TMEM117: variants seen among roughly 807,000 people sequenced by gnomAD.
TMEM117 encodes transmembrane protein 117.
TMEM117 carries 27 observed loss-of-function variants against 52.4 expected under a neutral mutation model. The observed-to-expected ratio is 0.51, with a 90% CI of 0.38 to 0.71. TMEM117 has a LOEUF of 0.71. Among genes scored for constraint, TMEM117 ranks in the 30% least tolerant of loss-of-function variants. The pLI is 0.00. For synonymous variants in TMEM117, 215 were observed against 206.3 expected (o/e 1.04, Z -0.36); for missense variants, 556 against 630.5 (o/e 0.88, Z 1.26).
rs559462196 is a variant in TMEM117 at position 44,388,933 on chromosome 12, G to A, written c.*261G>A. 1 of 417,142 alleles carries A rather than the reference G, an allele frequency of 2.4e-6. No homozygotes were observed. The highest frequency in any genetic ancestry group is 2.0e-5 in the African/African-American group (1 of 50,456). 25.8% of individuals were successfully genotyped at this position (417,142 alleles called of 1,614,324 possible). On this transcript the variant is annotated 3_prime_UTR_variant, in exon 8 of 8. Transcript: ENST00000266534. ...GCTATTACTGACTTTACAGCATAGT[G>A]GAAGATTAGCTGATGACCCATGTAT...
At chr12:44,248,766 C>A in intron 5 of TMEM117, 1 of 173,072 alleles carries the variant, frequency 5.8e-6, no homozygotes. Context: ...GGTGCCCCAA[C>A]ACCAGGCTTG....
intron 2 of TMEM117, among the ~76,000 whole-genome samples, chr12:43,878,987 G>A (rs570614054): frequency 4.6e-5 from 7 of 152,206 alleles, no homozygotes; most frequent in South Asian, 4.1e-4. Flanking sequence ...TAATACTTGC[G>A]TTAAATGATA....
chr12:43,800,291 TTAA>T, the TMEM117 span: 10 of 591,376 alleles, frequency 1.7e-5, 1 homozygote, highest in African/African-American at 1.9e-4. Context: ...ACAGCTAACT[TTAA>T]TATTATATGA....
In TMEM117 at chr12:43,912,534, T is replaced by TATATATATATATATATATATATATAA. The variant is rs1239034268; in HGVS notation, c.278-31674_278-31673insATATATATATATATATATATATAAAT. Among the ~76,000 whole-genome samples, 39 of 130,046 alleles carry TATATATATATATATATATATATATAA rather than the reference T, an allele frequency of 3.0e-4. 3 individuals are homozygous for TATATATATATATATATATATATATAA. The highest frequency in any genetic ancestry group is 1.0e-3 in the African/African-American group (36 of 34,852). 85.3% of individuals were successfully genotyped at this position (130,046 alleles called of 152,430 possible). On this transcript the variant is annotated intron_variant, in intron 2 of 7. Transcript: ENST00000266534. ...ATATATATATATATATATATATATA[T>TATATATATATATATATATATATATAA]ATGGCAGAATGAAAGCTCCATGTGG...
chr12:43,998,254 AG>A (rs900072381), intron 3 of TMEM117, among the ~76,000 whole-genome samples: 7 of 152,240 alleles, frequency 4.6e-5, no homozygotes, highest in African/African-American at 1.7e-4. Flanking sequence ...ACATTGGTAG[AG>A]GGAAAGGCAA....
At chr12:44,163,736 G>T (rs968350657) in intron 4 of TMEM117, among the ~76,000 whole-genome samples, 4 of 152,170 alleles carry the variant, frequency 2.6e-5, no homozygotes, top group Admixed American at 2.0e-4. Context: ...TAAGAGCATT[G>T]TTGGATTGCC....
intron 3 of TMEM117, among the ~76,000 whole-genome samples, chr12:44,122,089 A>G (rs1948245743): frequency 6.9e-6 from 1 of 144,548 alleles, no homozygotes; most frequent in Non-Finnish European, 1.5e-5. Context: ...TCTGTTGCCC[A>G]GGCTGAGTGC....
chr12:44,278,100 A>G (rs996898036), intron 5 of TMEM117, among the ~76,000 whole-genome samples: 1 of 152,144 alleles, frequency 6.6e-6, no homozygotes, highest in African/African-American at 2.4e-5. Flanking sequence ...TGATTGGGTT[A>G]GGCCCCTACA....
At chr12:43,925,510 C>T (rs547823602) in intron 2 of TMEM117, among the ~76,000 whole-genome samples, 32 of 152,110 alleles carry the variant, frequency 2.1e-4, no homozygotes, top group African/African-American at 5.5e-4. Context: ...GTTGACTTGC[C>T]GGAGGCTGGT....
chr12:44,195,347 C>G (rs752047813), intron 4 of TMEM117, among the ~76,000 whole-genome samples: 1 of 152,088 alleles, frequency 6.6e-6, no homozygotes, highest in Non-Finnish European at 1.5e-5. Context: ...GCATTGAATC[C>G]CTCTCTAGCT....
downstream of TMEM117, among the ~76,000 whole-genome samples, chr12:44,392,006 G>A (rs893129426): frequency 5.9e-5 from 9 of 152,124 alleles, no homozygotes; most frequent in African/African-American, 2.2e-4. Context: ...TAATTCTGCA[G>A]CAGATAAACT....
intron 5 of TMEM117, among the ~76,000 whole-genome samples, chr12:44,248,034 T>G (rs149998518): frequency 6.6e-6 from 1 of 152,292 alleles, no homozygotes; most frequent in African/African-American, 2.4e-5. Context: ...CAGCTTCCAG[T>G]TTGGGTCTCA....
rs143648069 is a variant in TMEM117 at position 44,017,233 on chromosome 12, C to CTGTG, written c.410+72907_410+72910dup. On this transcript the variant is annotated intron_variant, in intron 3 of 7. Transcript: ENST00000266534. ...GAGAAAGCATTATTTATGAAGCCTT[C>CTGTG]TGTGTGTGTGTGTGTGTGTTTTAGG... Among the ~76,000 whole-genome samples, 7 of 147,322 alleles carry CTGTG rather than the reference C, an allele frequency of 4.8e-5. No homozygotes were observed. The East Asian group carries it at 5.9e-4, about 12-fold the overall frequency.
At chr12:44,124,052 A>G (rs1400013144) in intron 3 of TMEM117, among the ~76,000 whole-genome samples, 2 of 150,950 alleles carry the variant, frequency 1.3e-5, no homozygotes, top group Admixed American at 1.3e-4. Context: ...TTTTTTTTCC[A>G]TTTGTTTTAG....
intron 5 of TMEM117, among the ~76,000 whole-genome samples, chr12:44,247,727 C>A (rs768453887): frequency 4.6e-5 from 7 of 152,208 alleles, no homozygotes; most frequent in Non-Finnish European, 1.0e-4. Context: ...ATCACCTATG[C>A]CCCAACCCCA....
intron 6 of TMEM117, among the ~76,000 whole-genome samples, chr12:44,325,730 C>G (rs762280086): frequency 2.4e-4 from 37 of 151,904 alleles, no homozygotes; most frequent in Non-Finnish European, 4.7e-4. Context: ...TTGAATCTAC[C>G]CAAGAATCAC....
chr12:44,202,861 T>C (rs2138373922), intron 4 of TMEM117, among the ~76,000 whole-genome samples: 1 of 152,000 alleles, frequency 6.6e-6, no homozygotes, highest in Non-Finnish European at 1.5e-5. Flanking sequence ...CCACCTCTGC[T>C]CACTGCAGCC....
chr12:43,805,440 A>G, the TMEM117 span: 1 of 415,036 alleles, frequency 2.4e-6, no homozygotes, highest in Non-Finnish European at 4.9e-6. Context: ...TATTAACAGT[A>G]AGAGCTTGAG....
In TMEM117 at chr12:44,388,305, A is replaced by C. The variant is rs1280279502; in HGVS notation, c.1178A>C (p.Lys393Thr). 6.2e-7 allele frequency: 1 copy of C among 1,613,578 alleles called. No homozygotes were observed. The highest frequency in any genetic ancestry group is 8.5e-7 in the Non-Finnish European group (1 of 1,179,672). Reference protein sequence around the residue: ...SRFIGASLDVKCLAFVPSLIA... With the variant: ...SRFIGASLDVTCLAFVPSLIA... ...TTCATAGGAGCCAGTCTTGATGTCA[A>C]GTGTCTGGCCTTTGTTCCAAGCCTG... Residue 393 changes from lysine (K) to threonine (T), a missense_variant, in exon 8 of 8, where the codon AAG becomes ACG. By Grantham distance (78) the Lys-to-Thr change is moderately conservative. Transcript: ENST00000266534.
Sources: gnomAD v4.1 joint callset for allele counts (sites outside exome capture counted in the v4.1 genomes callset) on GRCh38, gnomAD v4.1.1 for gene constraint, MANE v1.5 for transcripts, NCBI Gene and HGNC (gene_info 2026-07-23, HGNC 2026-07-21) for gene names.